Variants in SCN11A observed in about 807,000 individuals in gnomAD.
SCN11A encodes the protein sodium channel protein type 11 subunit alpha.
In SCN11A, 122 loss-of-function variants were observed where a neutral mutation model predicts 162.2. The ratio of observed to expected loss-of-function variants is 0.75; its 90% CI spans 0.65 to 0.87. The LOEUF (loss-of-function observed/expected upper bound fraction) is 0.87, where lower values mean the gene tolerates loss of function less well. Ranked by LOEUF, SCN11A falls within the 40% of genes least tolerant of loss-of-function variation. SCN11A has a pLI of 0.00. For synonymous variants in SCN11A, 758 were observed against 751.5 expected (o/e 1.01, Z -0.14); for missense variants, 2,015 against 2,181.6 (o/e 0.92, Z 1.52).
chr3:38,867,237 A>C, intron 27 of SCN11A, 84 bp downstream of exon 27: 1 of 1,345,110 alleles, frequency 7.4e-7, no homozygotes, highest in Non-Finnish European at 1.0e-6. Flanking sequence ...ACTTTGTATA[A>C]CATTCTAGGC....
rs186532383 is a variant in SCN11A at position 38,977,261 on chromosome 3, T to C, written c.-279-16838A>G. On this transcript the variant is annotated intron_variant, in intron 2 of 29. Coordinates refer to ENST00000302328, the MANE Select transcript of SCN11A (RefSeq NM_001349253.2). Reference sequence around the variant, plus strand: ...TGTCTGAAATGTTGCCATGGTTTCTTCTCTAGCCAGTTGGCCTGCTATTCC... The same window carrying C: ...TGTCTGAAATGTTGCCATGGTTTCTCCTCTAGCCAGTTGGCCTGCTATTCC... Among the ~76,000 whole-genome samples, 17 of 152,282 alleles carry C rather than the reference T, an allele frequency of 1.1e-4. No homozygotes were observed. In the East Asian group the frequency reaches 3.1e-3, roughly 28 times the overall value.
chr3:39,046,483 A>G (rs562175912), intron 1 of SCN11A, among the ~76,000 whole-genome samples: 49 of 152,306 alleles, frequency 3.2e-4, no homozygotes, highest in Non-Finnish European at 1.9e-4. Flanking sequence ...TCAAAATACC[A>G]ATGACATTCT....
chr3:39,007,057 A>G (rs2030999901), intron 2 of SCN11A, among the ~76,000 whole-genome samples: 1 of 152,170 alleles, frequency 6.6e-6, no homozygotes, highest in Non-Finnish European at 1.5e-5. Context: ...AAAATTCAAG[A>G]AATTTTCCCA....
rs530214092 is a variant in SCN11A, at chr3:38,991,374, G to A, written c.-279-30951C>T. ...GAGCTGGGGACCTGCCCTCCTGCCA[G>A]CTCACAGAATCCATCCTTCAGGCTC... On this transcript the variant is annotated intron_variant, in intron 2 of 29. Transcript: ENST00000302328. Among the ~76,000 whole-genome samples, 8 of 152,198 alleles carry A rather than the reference G, an allele frequency of 5.3e-5. No individual in the cohort carries two copies. In the South Asian group the frequency reaches 1.5e-3, roughly 28 times the overall value.
At chr3:38,974,724 G>GAAAAA (rs2066838435) in intron 2 of SCN11A, among the ~76,000 whole-genome samples, 2 of 132,634 alleles carry the variant, frequency 1.5e-5, no homozygotes, top group Non-Finnish European at 3.3e-5. Context: ...GAAAAGAAAA[G>GAAAAA]AAAAGAAAAG....
chr3:38,981,523 TTGTG>T (rs539258200), intron 2 of SCN11A, among the ~76,000 whole-genome samples: 1 of 133,872 alleles, frequency 7.5e-6, no homozygotes. Flanking sequence ...TGTTTCTGTG[TTGTG>T]TGTGTGTGTT....
chr3:38,962,861 AAAT>A (rs973301518), intron 2 of SCN11A, among the ~76,000 whole-genome samples: 13 of 151,304 alleles, frequency 8.6e-5, no homozygotes, highest in African/African-American at 2.7e-4. Flanking sequence ...ATAAAAAATA[AAAT>A]AATAATAATA....
At position 38,897,585 on chromosome 3, in the gene SCN11A, G is replaced by A. The variant is rs948893277; in HGVS notation, c.2023-360C>T. Among the ~76,000 whole-genome samples, 7 of 152,116 alleles carry A rather than the reference G, an allele frequency of 4.6e-5. No individual in the cohort carries two copies. The East Asian group carries it at 5.8e-4, about 13-fold the overall frequency. On this transcript the variant is annotated intron_variant, in intron 17 of 29. Transcript: ENST00000302328. ...AAAAAAATTAGCTGGGCATGGTGGCGCATGCCTGTAGTCCCAGCTACTCGG... is the reference window on the plus strand; with the variant it reads ...AAAAAAATTAGCTGGGCATGGTGGCACATGCCTGTAGTCCCAGCTACTCGG...
At chr3:38,889,411 G>A (rs973380985) in intron 19 of SCN11A, among the ~76,000 whole-genome samples, 3 of 150,208 alleles carry the variant, frequency 2.0e-5, no homozygotes, top group African/African-American at 7.4e-5. Flanking sequence ...GGTGGCAAGA[G>A]CAAAACTCCG....
intron 2 of SCN11A, among the ~76,000 whole-genome samples, 183 bp from the exon 3 acceptor site, chr3:38,960,606 G>C (rs1559557222): frequency 6.6e-6 from 1 of 152,148 alleles, no homozygotes; most frequent in Non-Finnish European, 1.5e-5. Context: ...TAAAGAAACA[G>C]GTTGTTGTTT....
intron 7 of SCN11A, among the ~76,000 whole-genome samples, chr3:38,933,635 T>C (rs1387912396): frequency 6.6e-6 from 1 of 151,952 alleles, no homozygotes; most frequent in Non-Finnish European, 1.5e-5. Context: ...TGATGGAAGA[T>C]GAAATGAATG....
chr3:38,873,634 T>C (rs574313230), intron 23 of SCN11A, among the ~76,000 whole-genome samples: 2 of 152,278 alleles, frequency 1.3e-5, no homozygotes, highest in South Asian at 4.1e-4. Flanking sequence ...ATTGTCATAG[T>C]TGGTGAGAAG....
Position 38,938,709 on chromosome 3 carries a change from C to A in SCN11A, c.488+6702G>T, listed in dbSNP as rs549084661. 1.1e-3 allele frequency among the ~76,000 whole-genome samples: 158 copies of A among 150,404 alleles called. 1 individual carries two copies. Among genetic ancestry groups the A allele is most frequent in the African/African-American group, 3.6e-3 (150 of 41,252 alleles). ...CCTCCTGAGTAGCTGGGATTACAGG[C>A]ATGTGCCACCATGCCCGGCTAATTT... On this transcript the variant is annotated intron_variant, in intron 7 of 29. Coordinates refer to ENST00000302328, the MANE Select transcript of SCN11A (RefSeq NM_001349253.2).
rs1339090698 is a variant in SCN11A at position 38,883,306 on chromosome 3, C to T, written c.3146G>A (p.Cys1049Tyr). Reference protein sequence around the residue: ...WVIWWNLRKTCYQIVKHSWFE... With the variant: ...WVIWWNLRKTYYQIVKHSWFE... ...CCAGCTGTGTTTCACTATTTGGTAG[C>T]AGGTTTTCCGCAGGTTCCACCAAAT... The change falls in exon 22 of 30, where the codon TGC becomes TAC. Residue 1049 changes from cysteine to tyrosine, a missense_variant. Physicochemically the swap from Cys to Tyr is radical, Grantham distance 194. Coordinates refer to ENST00000302328, the MANE Select transcript of SCN11A (RefSeq NM_001349253.2). 1.2e-6 allele frequency: 2 copies of T among 1,614,028 alleles called. No homozygotes were observed. The highest frequency in any genetic ancestry group is 1.7e-6 in the Non-Finnish European group (2 of 1,179,908).
intron 1 of SCN11A, among the ~76,000 whole-genome samples, chr3:39,038,583 G>A (rs2031964605): frequency 6.6e-6 from 1 of 152,118 alleles, no homozygotes; most frequent in Non-Finnish European, 1.5e-5. Context: ...AATCAAAGAT[G>A]CACTCACACT....
Position 38,846,375 on chromosome 3 carries a change from GT to G in SCN11A, c.*318del, listed in dbSNP as rs1287702434. ...GATCCACCTGCCTTGGCCTCTCAAA[GT>G]GCTGGGATTACAGGCATGAGCCACT... On this transcript the variant is annotated 3_prime_UTR_variant, in exon 30 of 30. Transcript: ENST00000302328. 4.6e-5 allele frequency: 12 copies of G among 259,622 alleles called. No individual in the cohort carries two copies. Among genetic ancestry groups the G allele is most frequent in the Non-Finnish European group, 8.9e-5 (12 of 134,106 alleles). 16.1% of individuals were successfully genotyped at this position (259,622 alleles called of 1,614,324 possible).
rs1325831746 is a variant in SCN11A, at chr3:38,880,017, C to T, written c.3326G>A (p.Trp1109Ter). 6.2e-7 allele frequency: 1 copy of T among 1,612,054 alleles called. No individual in the cohort carries two copies. The highest frequency in any genetic ancestry group is 1.3e-5 in the African/African-American group (1 of 74,922). The change falls in exon 23 of 30, where the codon TGG (tryptophan) becomes TAG (stop). Residue 1109 changes from tryptophan to a stop codon, truncating the protein, a stop_gained. Transcript: ENST00000302328. LOFTEE classifies it high-confidence loss of function. ...HIFILEMVLKWVAFGFGKYFT... is the reference protein window; with the variant it reads ...HIFILEMVLK ...ATACTTTCCAAATCCGAAGGCTACC[C>T]ATTTTAGTACCATCTCCAGGATAAA...
intron 22 of SCN11A, 149 bp from the exon 23 acceptor site, chr3:38,880,272 C>G: frequency 1.7e-6 from 1 of 587,656 alleles, no homozygotes; most frequent in South Asian, 2.3e-5. Flanking sequence ...TAAGGCTAAA[C>G]TTTTCCAATG....
intron 2 of SCN11A, among the ~76,000 whole-genome samples, chr3:39,009,649 A>G (rs1356550253): frequency 6.8e-6 from 1 of 146,106 alleles, no homozygotes; most frequent in African/African-American, 2.6e-5. Context: ...CTCAGCTGAA[A>G]AGAGTGTGTA....
Sources: allele counts gnomAD v4.1 joint callset (sites outside exome capture counted in the v4.1 genomes callset), GRCh38; gene constraint gnomAD v4.1.1; transcripts MANE v1.5; gene names NCBI Gene and HGNC (gene_info 2026-07-23, HGNC 2026-07-21).